The following ITGAV variants were observed in gnomAD, a reference collection of about 807,000 sequenced individuals.
ITGAV encodes the protein integrin subunit alpha V, also known as integrin alpha-V.
In ITGAV, 76 loss-of-function variants were observed where a neutral mutation model predicts 143.8. That is an observed-to-expected ratio of 0.53 (90% CI 0.44 to 0.64). The LOEUF is 0.64. Ranked by LOEUF, ITGAV falls within the 30% of genes least tolerant of loss-of-function variation. The probability of loss-of-function intolerance (pLI) is 0.00; values close to 1 mark genes in which losing one functional copy is unlikely to be tolerated. For missense variants in ITGAV, 1,193 were observed against 1,274.7 expected, an observed-to-expected ratio of 0.94 and a Z score of 0.98; for synonymous variants, 453 against 446.7, an observed-to-expected ratio of 1.01 and a Z score of -0.18.
At chr2:186,650,190 C>A (rs143151146) in intron 14 of ITGAV, among the ~76,000 whole-genome samples, 2 of 152,244 alleles carry the variant, frequency 1.3e-5, no homozygotes, top group African/African-American at 4.8e-5. Context: ...ATTCAGAATC[C>A]TGTCTTCCAG....
At chr2:186,636,352 A>G (rs1346590051) in intron 7 of ITGAV, 145 bp downstream of exon 7, 9 of 635,182 alleles carry the variant, frequency 1.4e-5, no homozygotes, top group Non-Finnish European at 2.4e-5. Context: ...TCAAATTGTT[A>G]ATGAGTACTT....
chr2:186,667,521 CAT>C (rs1688934201), intron 23 of ITGAV, 148 bp from the exon 24 acceptor site: 5 of 523,090 alleles, frequency 9.6e-6, no homozygotes, highest in Non-Finnish European at 1.4e-5. Flanking sequence ...AGTTTTTGTG[CAT>C]GTGTGTGTTC....
At chr2:186,675,751 C>T in intron 27 of ITGAV, 34 bp downstream of exon 27, 4 of 1,551,860 alleles carry the variant, frequency 2.6e-6, no homozygotes, top group Middle Eastern at 1.7e-4. Flanking sequence ...AGCAAACATA[C>T]CCAGTGTTTT....
In ITGAV at chr2:186,618,911, C is replaced by A. The variant is rs148476164; in HGVS notation, c.317-3428C>A. Among the ~76,000 whole-genome samples, 65 of 152,052 alleles carry A rather than the reference C, an allele frequency of 4.3e-4. 1 individual carries two copies. The highest frequency in any genetic ancestry group is 3.4e-3 in the Middle Eastern group (1 of 294). On this transcript the variant is annotated intron_variant, in intron 2 of 29. Transcript: ENST00000261023. ...GCAATCCCACTACTAGGCATTTATC[C>A]AAAGGAAAGGAAATCAGTATATCAA...
intron 2 of ITGAV, among the ~76,000 whole-genome samples, chr2:186,610,246 A>G (rs1393692934): frequency 6.6e-6 from 1 of 152,210 alleles, no homozygotes; most frequent in African/African-American, 2.4e-5. Context: ...AATCCAGGAT[A>G]GAAAAGTTAC....
chr2:186,664,408 GTATT>G, intron 19 of ITGAV, 82 bp from the exon 20 acceptor site: 1 of 1,289,796 alleles, frequency 7.8e-7, no homozygotes, highest in South Asian at 1.3e-5. Context: ...TCAGTGCTGT[GTATT>G]TATCTCTTCT....
intron 13 of ITGAV, 32 bp downstream of exon 13, chr2:186,646,909 A>AT (rs1559057604): frequency 7.0e-7 from 1 of 1,432,174 alleles, no homozygotes; most frequent in East Asian, 2.4e-5. Context: ...GAGCCCTTAG[A>AT]TTTTTCAGTC....
intron 4 of ITGAV, among the ~76,000 whole-genome samples, chr2:186,628,062 A>G (rs544091935): frequency 6.6e-6 from 1 of 152,230 alleles, no homozygotes; most frequent in East Asian, 1.9e-4. Context: ...CTGACAATCC[A>G]CCTATAGCTA....
chr2:186,641,461 G>T lies in ITGAV; in HGVS notation c.1032G>T (p.Gln344His). Residue 344 changes from glutamine (Q) to histidine (H), a missense_variant, in exon 12 of 30, where the codon CAG (glutamine) becomes CAT (histidine). Transcript: ENST00000261023. ...GSDGKLQEVG[Q>H]VSVSLQRASG... ...ATGGCAAACTCCAAGAGGTGGGGCA[G>T]GTCTCAGTGTCTCTACAGAGAGCTT... 1 of 1,614,152 alleles carries T rather than the reference G, an allele frequency of 6.2e-7. No homozygotes were observed. The highest frequency in any genetic ancestry group is 8.5e-7 in the Non-Finnish European group (1 of 1,179,998).
chr2:186,615,243 A>G (rs762494778), intron 2 of ITGAV, among the ~76,000 whole-genome samples: 1 of 152,128 alleles, frequency 6.6e-6, no homozygotes, highest in Non-Finnish European at 1.5e-5. Flanking sequence ...CTTGGCTATT[A>G]TGAATAATGC....
Position 186,638,389 on chromosome 2 carries a change from C to G in ITGAV, c.847-20C>G. ...CTTCTATTTTACCAGATTTCACATA[C>G]TTCTATTTTTCCTTCACAGGTTTAT... On this transcript the variant is annotated intron_variant, in intron 9 of 29. Transcript: ENST00000261023. 6.2e-7 allele frequency: 1 copy of G among 1,607,934 alleles called. No homozygotes were observed. Among genetic ancestry groups the G allele is most frequent in the Non-Finnish European group, 8.5e-7 (1 of 1,174,650 alleles).
chr2:186,649,848 G>A lies in ITGAV; in HGVS notation c.1360G>A (p.Val454Ile), dbSNP rs1462806178. 1.3e-6 allele frequency: 2 copies of A among 1,592,668 alleles called. No individual in the cohort carries two copies. Among genetic ancestry groups the A allele is most frequent in the Non-Finnish European group, 8.6e-7 (1 of 1,168,384 alleles). ...IDKNGYPDLI[V>I]GAFGVDRAIL... is the part of the protein sequence containing the mutation. Reference sequence around the variant, plus strand: ...TTCCACTCTTTCTTAAGACTTAATTGTAGGAGCTTTTGGTGTAGATCGAGC... The same window carrying A: ...TTCCACTCTTTCTTAAGACTTAATTATAGGAGCTTTTGGTGTAGATCGAGC... Residue 454 changes from valine (V) to isoleucine (I), a missense_variant, in exon 14 of 30, where the codon GTA becomes ATA. By Grantham distance (29) the Val-to-Ile change is conservative. Coordinates refer to ENST00000261023, the MANE Select transcript of ITGAV (RefSeq NM_002210.5).
At chr2:186,660,674 G>T (rs371058991) in intron 18 of ITGAV, 19 of 152,116 alleles carry the variant, frequency 1.2e-4, no homozygotes, top group Admixed American at 2.6e-4. Context: ...GGTAGAAAAG[G>T]TATAGGTGAA....
chr2:186,632,479 A>T (rs988925728), intron 5 of ITGAV, among the ~76,000 whole-genome samples: 9 of 152,128 alleles, frequency 5.9e-5, no homozygotes, highest in Non-Finnish European at 1.3e-4. Context: ...CTATATGTAC[A>T]TTTGGAGGGG....
chr2:186,598,798 C>T (rs939643483), intron 1 of ITGAV, among the ~76,000 whole-genome samples: 1 of 152,042 alleles, frequency 6.6e-6, no homozygotes, highest in African/African-American at 2.4e-5. Flanking sequence ...ATCATTTTGC[C>T]GTGATGGGAG....
In ITGAV at chr2:186,635,290, T is replaced by C. The variant is rs1687919925; in HGVS notation, c.632-792T>C. On this transcript the variant is annotated intron_variant, in intron 6 of 29. Transcript: ENST00000261023. ...GAATGGAGAAAAGAATAATGTTTTA[T>C]TCAGAAGAAATAATGAATTTTCCTC... Among the ~76,000 whole-genome samples, 3 of 152,302 alleles carry C rather than the reference T, an allele frequency of 2.0e-5. No individual in the cohort carries two copies. The South Asian group carries it at 6.2e-4, about 32-fold the overall frequency.
At chr2:186,611,249 T>G (rs1687208666) in intron 2 of ITGAV, among the ~76,000 whole-genome samples, 1 of 152,214 alleles carries the variant, frequency 6.6e-6, no homozygotes, top group Admixed American at 6.5e-5. Flanking sequence ...CTTAATTTGA[T>G]CACTTCTGCA....
At chr2:186,598,512 A>G (rs1185858072) in intron 1 of ITGAV, among the ~76,000 whole-genome samples, 2 of 143,574 alleles carry the variant, frequency 1.4e-5, no homozygotes, top group Non-Finnish European at 3.0e-5. Flanking sequence ...ATCTTGGCTC[A>G]CTGCAATCTC....
rs148253995 is a variant in ITGAV, at chr2:186,603,640, C to A, written c.316+1489C>A. 3.3e-3 allele frequency among the ~76,000 whole-genome samples: 509 copies of A among 152,176 alleles called. 2 individuals are homozygous for A. Among genetic ancestry groups the A allele is most frequent in the African/African-American group, 0.012 (483 of 41,516 alleles). The stretch of plus-strand genomic sequence containing the variant: ...TTTATTGTCTAACAAAATATGAGAA[C>A]TAATAAAAGGAAACCACAGTTTAGA... On this transcript the variant is annotated intron_variant, in intron 2 of 29. Coordinates refer to ENST00000261023, the MANE Select transcript of ITGAV (RefSeq NM_002210.5).
Sources: gnomAD v4.1 joint callset for allele counts (sites outside exome capture counted in the v4.1 genomes callset) on GRCh38, gnomAD v4.1.1 for gene constraint, MANE v1.5 for transcripts, NCBI Gene and HGNC (gene_info 2026-07-23, HGNC 2026-07-21) for gene names.